Variants in CEP128 observed in about 807,000 individuals in gnomAD.
The protein encoded by CEP128 is centrosomal protein 128kDa.
In CEP128, 132 loss-of-function variants were observed where a neutral mutation model predicts 156.7. That is an observed-to-expected ratio of 0.84 (90% confidence interval 0.73 to 0.97). The LOEUF is 0.97. Among genes scored for constraint, CEP128 ranks in the 50% least tolerant of loss-of-function variants. The probability of loss-of-function intolerance (pLI) is 0.00; values close to 1 mark genes in which losing one functional copy is unlikely to be tolerated. For missense variants in CEP128, 1,252 were observed against 1,281.9 expected (o/e 0.98, Z 0.36); for synonymous variants, 469 against 448.9 (o/e 1.04, Z -0.57).
At chr14:80,920,492 T>C (rs1462246396) in intron 2 of CEP128, among the ~76,000 whole-genome samples, 1 of 152,202 alleles carries the variant, frequency 6.6e-6, no homozygotes, top group African/African-American at 2.4e-5. Context: ...TCATTAACAA[T>C]GTATTATTTT....
At chr14:80,754,706 C>G (rs1416259887) in intron 18 of CEP128, among the ~76,000 whole-genome samples, 1 of 151,962 alleles carries the variant, frequency 6.6e-6, no homozygotes, top group African/African-American at 2.4e-5. Context: ...TCATGATTCC[C>G]CCTACCTCGG....
chr14:80,932,470 C>T (rs1566723699), intron 2 of CEP128, among the ~76,000 whole-genome samples: 1 of 152,162 alleles, frequency 6.6e-6, no homozygotes, highest in African/African-American at 2.4e-5. Flanking sequence ...TAAGTCAAGG[C>T]AAAATATCCT....
chr14:80,772,306 G>A (rs1352642864), intron 16 of CEP128, among the ~76,000 whole-genome samples: 1 of 152,146 alleles, frequency 6.6e-6, no homozygotes, highest in Non-Finnish European at 1.5e-5. Flanking sequence ...AGAATGGTGT[G>A]ACAGACAAAA....
chr14:80,545,427 C>T (rs1889939648), intron 21 of CEP128, among the ~76,000 whole-genome samples: 1 of 152,154 alleles, frequency 6.6e-6, no homozygotes, highest in Non-Finnish European at 1.5e-5. Context: ...TAAACAATAA[C>T]CACTAATTTG....
chr14:80,496,482 A>G lies in CEP128; in HGVS notation c.*997T>C, dbSNP rs960723541. 6.6e-6 allele frequency: 1 copy of G among 152,654 alleles called. No individual in the cohort carries two copies. Among genetic ancestry groups the G allele is most frequent in the African/African-American group, 2.4e-5 (1 of 41,458 alleles). 9.5% of individuals were successfully genotyped at this position (152,654 alleles called of 1,614,324 possible). A position where few individuals can be genotyped will look rare whatever the true frequency, so the allele number is the denominator to read the frequency against. On this transcript the variant is annotated 3_prime_UTR_variant, in exon 25 of 25. Transcript: ENST00000555265. ...CTTTAACAAACACAAAATGTAATGC[A>G]TATTACAAAGGTATTGCTTTATTGC...
rs558150765 is a variant in CEP128, at chr14:80,703,013, A to G, written c.2806+40062T>C. Among the ~76,000 whole-genome samples the G allele has an allele frequency of 3.3e-5, 5 of 152,316 alleles. No homozygotes were observed. In the South Asian group the frequency reaches 1.0e-3, roughly 32 times the overall value. On this transcript the variant is annotated intron_variant, in intron 19 of 24. Coordinates refer to ENST00000555265, the MANE Select transcript of CEP128 (RefSeq NM_152446.5). ...GTACGTATGTATTTAAACTATTTTT[A>G]TGGTAAATTTGGAGAGAATGGAACT...
intron 8 of CEP128, among the ~76,000 whole-genome samples, chr14:80,891,684 C>T (rs1889107941): frequency 6.6e-6 from 1 of 150,780 alleles, no homozygotes; most frequent in South Asian, 2.1e-4. Flanking sequence ...TTTAAAATAA[C>T]TAAAAGAGTA....
At chr14:80,854,353 G>A (rs1178804669) in intron 9 of CEP128, among the ~76,000 whole-genome samples, 1 of 151,656 alleles carries the variant, frequency 6.6e-6, no homozygotes, top group Non-Finnish European at 1.5e-5. Flanking sequence ...GAAAACATTG[G>A]CAAAAAAAAG....
chr14:80,565,090 A>G (rs1203510369), intron 20 of CEP128, among the ~76,000 whole-genome samples: 1 of 152,034 alleles, frequency 6.6e-6, no homozygotes, highest in Admixed American at 6.6e-5. Flanking sequence ...GGAAATTACA[A>G]TTTAGAGGTC....
At chr14:80,903,597 A>G (rs1451027441) in intron 6 of CEP128, among the ~76,000 whole-genome samples, 1 of 151,940 alleles carries the variant, frequency 6.6e-6, no homozygotes, top group African/African-American at 2.4e-5. Context: ...TGCAAACCAT[A>G]TGTCTGACAA....
Position 80,836,198 on chromosome 14 carries a change from C to T in CEP128, c.1057+7G>A. On this transcript the variant is annotated splice_region_variant and intron_variant, in intron 12 of 24. Coordinates refer to ENST00000555265, the MANE Select transcript of CEP128 (RefSeq NM_152446.5). ...TATCACATTATTAGGTACAAATCTA[C>T]TTTTACCTCTCCTAAATCTCCAGTC... 1.2e-6 allele frequency: 2 copies of T among 1,613,636 alleles called. No homozygotes were observed. Among genetic ancestry groups the T allele is most frequent in the Non-Finnish European group, 1.7e-6 (2 of 1,179,674 alleles).
intron 2 of CEP128, among the ~76,000 whole-genome samples, chr14:80,947,670 A>ACAAAAGAAAAGAGATTCCCCC: frequency 6.6e-6 from 1 of 152,310 alleles, no homozygotes; most frequent in Admixed American, 6.5e-5. Context: ...AATACCATGA[A>ACAAAAGAAAAGAGATTCCCCC]CAAAAGAAAA....
intron 8 of CEP128, among the ~76,000 whole-genome samples, chr14:80,877,874 A>AC (rs1482192643): frequency 1.3e-5 from 2 of 149,060 alleles, no homozygotes; most frequent in African/African-American, 4.9e-5. Flanking sequence ...GACAATACCC[A>AC]CCCCCCACCG....
intron 15 of CEP128, among the ~76,000 whole-genome samples, chr14:80,783,880 T>C (rs1901256070): frequency 6.6e-6 from 1 of 152,138 alleles, no homozygotes; most frequent in African/African-American, 2.4e-5. Context: ...TTACCTATTT[T>C]AGCCTCCATT....
At chr14:80,689,674 G>A (rs544843746) in intron 19 of CEP128, among the ~76,000 whole-genome samples, 8 of 152,266 alleles carry the variant, frequency 5.3e-5, no homozygotes, top group Admixed American at 5.2e-4. Flanking sequence ...TGTACTCTGT[G>A]TGTGTGTGTA....
At chr14:80,903,727 T>C (rs1001262143) in intron 6 of CEP128, among the ~76,000 whole-genome samples, 6 of 151,002 alleles carry the variant, frequency 4.0e-5, no homozygotes, top group African/African-American at 1.5e-4. Flanking sequence ...CAATGGTCAA[T>C]AGGTACATTT....
At chr14:80,620,136 A>G (rs2140651887) in intron 19 of CEP128, among the ~76,000 whole-genome samples, 1 of 152,298 alleles carries the variant, frequency 6.6e-6, no homozygotes, top group East Asian at 1.9e-4. Flanking sequence ...AAAAAAACAA[A>G]AAACAAAACA....
At chr14:80,672,545 A>G (rs553929937) in intron 19 of CEP128, among the ~76,000 whole-genome samples, 39 of 152,314 alleles carry the variant, frequency 2.6e-4, no homozygotes, top group African/African-American at 7.7e-4. Context: ...AACGGAAGCC[A>G]TAATAATTTT....
At chr14:80,894,446 A>G (rs1161402822) in intron 8 of CEP128, 1 of 353,688 alleles carries the variant, frequency 2.8e-6, no homozygotes, top group Non-Finnish European at 5.3e-6. Flanking sequence ...TTAATCTCAG[A>G]AAAGTCCTTT....
Sources: gnomAD v4.1 joint callset for allele counts (sites outside exome capture counted in the v4.1 genomes callset) on GRCh38, gnomAD v4.1.1 for gene constraint, MANE v1.5 for transcripts, NCBI Gene and HGNC (gene_info 2026-07-23, HGNC 2026-07-21) for gene names.